Variants in PLEKHG5 observed in about 807,000 individuals in gnomAD.
PLEKHG5 encodes the protein pleckstrin homology and RhoGEF domain containing G5.
Under a neutral mutation model 103.8 loss-of-function variants are expected in PLEKHG5, and 52 were observed. The observed-to-expected ratio is 0.50, with a 90% CI of 0.40 to 0.63. PLEKHG5 has a LOEUF of 0.63. PLEKHG5 is among the 30% of genes least tolerant of loss of function. The pLI is 0.00. For synonymous variants in PLEKHG5, 592 were observed against 575.5 expected, an observed-to-expected ratio of 1.03 and a Z score of -0.41; for missense variants, 1,205 against 1,347.6, an observed-to-expected ratio of 0.89 and a Z score of 1.66.
upstream of PLEKHG5, among the ~76,000 whole-genome samples, chr1:6,498,667 C>CG (rs1039112420): frequency 2.0e-5 from 3 of 152,026 alleles, no homozygotes; most frequent in African/African-American, 7.2e-5. Flanking sequence ...ACAGGCACCC[C>CG]GGGGGCCTCC....
At chr1:6,485,418 C>A in intron 1 of PLEKHG5, 1 of 1,340,486 alleles carries the variant, frequency 7.5e-7, no homozygotes, top group Non-Finnish European at 9.5e-7. Flanking sequence ...TGCTAGGCGT[C>A]CGGAGACACC....
chr1:6,498,349 C>T (rs983533195), upstream of PLEKHG5, among the ~76,000 whole-genome samples: 2 of 152,222 alleles, frequency 1.3e-5, no homozygotes, highest in Admixed American at 6.5e-5. Flanking sequence ...TGCATGGACT[C>T]CTTACATGGG....
chr1:6,478,997 C>G (rs1007918947), intron 1 of PLEKHG5, among the ~76,000 whole-genome samples: 4 of 151,844 alleles, frequency 2.6e-5, no homozygotes, highest in Non-Finnish European at 4.4e-5. Context: ...CACATGACAT[C>G]CACATGCCCT....
chr1:6,508,193 C>T (rs1474243879), intron 1 of PLEKHG5, among the ~76,000 whole-genome samples: 1 of 152,196 alleles, frequency 6.6e-6, no homozygotes, highest in Non-Finnish European at 1.5e-5. Context: ...TGGGGCCCCA[C>T]TCCCAGGCAT....
At position 6,473,460 on chromosome 1, in the gene PLEKHG5, C is replaced by T; in HGVS notation, c.592-6G>A. On this transcript the variant is annotated splice_region_variant and splice_polypyrimidine_tract_variant and intron_variant, in intron 7 of 20. Coordinates refer to ENST00000377728, the MANE Select transcript of PLEKHG5 (RefSeq NM_020631.6). ...TTGCGGCGGCGGCCAGGGGCCTGGT[C>T]AGGGAAGGGTGGTCAGGGCCGGGAC... The T allele has an allele frequency of 1.3e-6, 2 of 1,521,592 alleles. No individual in the cohort carries two copies. Among genetic ancestry groups the T allele is most frequent in the Non-Finnish European group, 1.8e-6 (2 of 1,135,556 alleles). 94.3% of individuals were successfully genotyped at this position (1,521,592 alleles called of 1,614,324 possible).
chr1:6,515,084 G>T (rs1638578519), intron 1 of PLEKHG5, among the ~76,000 whole-genome samples: 1 of 152,092 alleles, frequency 6.6e-6, no homozygotes. Flanking sequence ...AAGAAAGAAA[G>T]AAAATCATAC....
rs926002844 is a variant in PLEKHG5, at chr1:6,469,252, G to A, written c.2050-11C>T. ...CTGTTGCAGCTGGTTCTGCAGGCAAGGTTGGGGTACATGGGACAGAATGGG... is the reference window on the plus strand; with the variant it reads ...CTGTTGCAGCTGGTTCTGCAGGCAAAGTTGGGGTACATGGGACAGAATGGG... On this transcript the variant is annotated splice_polypyrimidine_tract_variant and intron_variant, in intron 18 of 20. Transcript: ENST00000377728. 1 of 1,613,940 alleles carries A rather than the reference G, an allele frequency of 6.2e-7. No homozygotes were observed. Among genetic ancestry groups the A allele is most frequent in the Non-Finnish European group, 8.5e-7 (1 of 1,180,022 alleles).
chr1:6,512,387 G>A (rs562973610), intron 1 of PLEKHG5, among the ~76,000 whole-genome samples: 1 of 152,326 alleles, frequency 6.6e-6, no homozygotes, highest in African/African-American at 2.4e-5. Context: ...GACTCTGGGA[G>A]CCATTCAGGC....
In PLEKHG5 at chr1:6,490,039, G is replaced by A. The variant is rs948443400; in HGVS notation, c.-88+1598C>T. Among the ~76,000 whole-genome samples, 7 of 152,136 alleles carry A rather than the reference G, an allele frequency of 4.6e-5. No individual in the cohort carries two copies. The highest frequency in any genetic ancestry group is 6.5e-5 in the Admixed American group (1 of 15,280). ...TCAGACTGCCCGAGGCGCAGCCTCT[G>A]GCGCCCCCTGCCGGCCTCGAGAGGG... On this transcript the variant is annotated intron_variant, in intron 1 of 20. Coordinates refer to ENST00000377728, the MANE Select transcript of PLEKHG5 (RefSeq NM_020631.6). This position sits in a 1 kb window ranked among gnomAD's most constrained non-coding sequence, Gnocchi z 8.0.
rs762404751 is a variant in PLEKHG5 at position 6,470,495 on chromosome 1, C to T, written c.1680+11G>A. 4 of 1,610,790 alleles carry T rather than the reference C, an allele frequency of 2.5e-6. No homozygotes were observed. The South Asian group carries it at 4.4e-5, about 18-fold the overall frequency. On this transcript the variant is annotated intron_variant, in intron 15 of 20. Transcript: ENST00000377728. ...TCCCAGCCGGCAACCCCCGCAGACA[C>T]ACACGCCCACCTTGTCCACTTCGTC...
chr1:6,471,772 C>T lies in PLEKHG5; in HGVS notation c.1117G>A (p.Gly373Arg), dbSNP rs1407661344. ...TCCCAGCGCACCTCACACAGCAGCC[C>T]TGACTCTTGCAGGTTCAGGAGGCAG... is the stretch of plus-strand genomic sequence containing the variant. ...LCCLLNLQES[G>R]LLCEVEAERL... Residue 373 changes from glycine (G) to arginine (R), a missense_variant, in exon 11 of 21, where the codon GGG (glycine) becomes AGG (arginine). Coordinates refer to ENST00000377728, the MANE Select transcript of PLEKHG5 (RefSeq NM_020631.6). The T allele has an allele frequency of 7.5e-6, 12 of 1,610,498 alleles. No homozygotes were observed. The highest frequency in any genetic ancestry group is 1.0e-5 in the Non-Finnish European group (12 of 1,178,690).
At chr1:6,495,165 G>T (rs539285563), upstream of PLEKHG5, among the ~76,000 whole-genome samples, 59 of 152,370 alleles carry the variant, frequency 3.9e-4, 1 homozygote, top group South Asian at 0.011. Context: ...ATGTATATTG[G>T]GGGGAGCTGA....
chr1:6,516,925 CAT>C (rs1380589548), intron 1 of PLEKHG5, among the ~76,000 whole-genome samples: 14 of 146,622 alleles, frequency 9.5e-5, no homozygotes, highest in African/African-American at 3.5e-4. Flanking sequence ...CACACACACA[CAT>C]GTACACTTTT....
Position 6,482,191 on chromosome 1 carries a change from G to A in PLEKHG5, c.-87-4533C>T, listed in dbSNP as rs1020297537. Among the ~76,000 whole-genome samples the A allele has an allele frequency of 1.4e-4, 22 of 151,838 alleles. 1 individual carries two copies. The highest frequency in any genetic ancestry group is 5.1e-4 in the African/African-American group (21 of 41,310). On this transcript the variant is annotated intron_variant, in intron 1 of 20. Transcript: ENST00000377728. The stretch of plus-strand genomic sequence containing the variant: ...CTCATCCTCCTCATTCGCCCTCCAC[G>A]CTCCTTTCCTGTCCTCAGCACTTTC...
chr1:6,497,347 GGGGC>G, upstream of PLEKHG5: 3 of 1,043,406 alleles, frequency 2.9e-6, no homozygotes, highest in Non-Finnish European at 3.6e-6. The surrounding 1 kb of genome is among the most constrained non-coding windows in gnomAD (Gnocchi z 6.1). Context: ...TGCCGCGCGG[GGGGC>G]GGGCGGCGGG....
chr1:6,497,307 C>T (rs1645241700), upstream of PLEKHG5: 2 of 1,113,538 alleles, frequency 1.8e-6, no homozygotes, highest in South Asian at 1.4e-5. This position sits in a 1 kb window ranked among gnomAD's most constrained non-coding sequence, Gnocchi z 6.1. Context: ...GCCGGGTCCC[C>T]GCCTGCACTC....
intron 1 of PLEKHG5, among the ~76,000 whole-genome samples, chr1:6,484,898 G>A (rs1341929169): frequency 2.0e-5 from 3 of 152,218 alleles, no homozygotes; most frequent in Non-Finnish European, 4.4e-5. Flanking sequence ...ATGTGAGGAT[G>A]GGGACAGAGA....
At chr1:6,506,614 C>T (rs898600598) in intron 1 of PLEKHG5, among the ~76,000 whole-genome samples, 1 of 152,218 alleles carries the variant, frequency 6.6e-6, no homozygotes, top group East Asian at 1.9e-4. Context: ...TGGAACCCTG[C>T]AGGATTTCTC....
At chr1:6,479,681 G>C (rs1394331669) in intron 1 of PLEKHG5, among the ~76,000 whole-genome samples, 2 of 151,900 alleles carry the variant, frequency 1.3e-5, no homozygotes, top group East Asian at 1.9e-4. Flanking sequence ...GGCATGATCA[G>C]CTCACTGCAA....
Sources: allele counts gnomAD v4.1 joint callset (sites outside exome capture counted in the v4.1 genomes callset), GRCh38; gene constraint gnomAD v4.1.1; non-coding constraint Gnocchi (gnomAD v3.1); transcripts MANE v1.5; gene names NCBI Gene and HGNC (gene_info 2026-07-23, HGNC 2026-07-21).